Variants in ADRA1A observed in about 807,000 individuals in gnomAD.
ADRA1A encodes the protein alpha-1A adrenergic receptor.
Under a neutral mutation model 29.6 loss-of-function variants are expected in ADRA1A, and 31 were observed. The ratio of observed to expected loss-of-function variants is 1.05; its 90% confidence interval spans 0.79 to 1.41. ADRA1A has a LOEUF of 1.41. Ranked by LOEUF, ADRA1A falls within the 40% of genes most tolerant of loss-of-function variation. The probability of loss-of-function intolerance (pLI) is 0.00; values close to 1 mark genes in which losing one functional copy is unlikely to be tolerated. For missense variants in ADRA1A, 619 were observed against 601.1 expected (o/e 1.03, Z -0.31); for synonymous variants, 311 against 254.3 (o/e 1.22, Z -2.12).
At chr8:26,794,322 A>G (rs1808037476) in intron 2 of ADRA1A, among the ~76,000 whole-genome samples, 1 of 152,092 alleles carries the variant, frequency 6.6e-6, no homozygotes, top group African/African-American at 2.4e-5. Flanking sequence ...TAAGAGAAAA[A>G]GTGAAATTTA....
intron 2 of ADRA1A, among the ~76,000 whole-genome samples, chr8:26,852,755 C>T (rs374705253): frequency 6.6e-5 from 10 of 152,122 alleles, no homozygotes; most frequent in Admixed American, 3.9e-4. Flanking sequence ...ATAATTCTTA[C>T]GGTATTTAAG....
intron 2 of ADRA1A, among the ~76,000 whole-genome samples, chr8:26,791,137 G>C (rs191975302): frequency 9.9e-5 from 15 of 152,112 alleles, no homozygotes; most frequent in Non-Finnish European, 1.9e-4. Context: ...TGAACATTTT[G>C]CTATTTTATT....
chr8:26,815,627 C>A lies in ADRA1A; in HGVS notation c.884-44961G>T, dbSNP rs1405697310. ...TTAGTGAAAGGTAGATGACTAGGAA[C>A]CTGATCAGTCTCAGCCTGGATACTG... On this transcript the variant is annotated intron_variant, in intron 2 of 2. Transcript: ENST00000380573. This position sits in a 1 kb window ranked among gnomAD's most constrained non-coding sequence, Gnocchi z 4.2. Among the ~76,000 whole-genome samples, 1 of 152,136 alleles carries A rather than the reference C, an allele frequency of 6.6e-6. No individual in the cohort carries two copies. Among genetic ancestry groups the A allele is most frequent in the Non-Finnish European group, 1.5e-5 (1 of 68,034 alleles).
In ADRA1A at chr8:26,850,025, C is replaced by CAAAAACA. The variant is rs1554511720; in HGVS notation, c.883+14055_883+14061dup. 5.0e-4 allele frequency among the ~76,000 whole-genome samples: 61 copies of CAAAAACA among 121,588 alleles called. 1 individual carries two copies. Among genetic ancestry groups the CAAAAACA allele is most frequent in the African/African-American group, 1.9e-3 (59 of 31,328 alleles). The allele number at this position is 121,588 out of a possible 152,430, so 79.8% of individuals were successfully genotyped here. The stretch of plus-strand genomic sequence containing the variant: ...AAAAGTGACTAATGAGAGAGAAATG[C>CAAAAACA]AAAAACAAAAAACAAAAAACAAAAA... On this transcript the variant is annotated intron_variant, in intron 2 of 2. Coordinates refer to ENST00000380573, the MANE Select transcript of ADRA1A (RefSeq NM_000680.4).
At position 26,816,124 on chromosome 8, in the gene ADRA1A, G is replaced by A. The variant is rs1585749940; in HGVS notation, c.884-45458C>T. On this transcript the variant is annotated intron_variant, in intron 2 of 2. Transcript: ENST00000380573. Reference sequence around the variant, plus strand: ...AGTGTAGGCCTGAGGGCGTGGGGAGGAGCAGCCCTACAGGATAGATGTAAA... The same window carrying A: ...AGTGTAGGCCTGAGGGCGTGGGGAGAAGCAGCCCTACAGGATAGATGTAAA... Among the ~76,000 whole-genome samples, 7 of 152,266 alleles carry A rather than the reference G, an allele frequency of 4.6e-5. No individual in the cohort carries two copies. In the South Asian group the frequency reaches 1.5e-3, roughly 32 times the overall value.
Position 26,864,820 on chromosome 8 carries a change from G to A in ADRA1A, c.150C>T (p.Ser50=), listed in dbSNP as rs866900199. 3 of 1,614,024 alleles carry A rather than the reference G, an allele frequency of 1.9e-6. No individual in the cohort carries two copies. The highest frequency in any genetic ancestry group is 1.3e-5 in the African/African-American group (1 of 74,912). The change falls in exon 2 of 3, where the codon TCC becomes TCT. Residue 50 remains serine, a synonymous_variant. Transcript: ENST00000380573. The surrounding 1 kb of genome is among the most constrained non-coding windows in gnomAD (Gnocchi z 8.1). ...GVLGNILVIL[S]VACHRHLHSV... is the part of the protein sequence containing the mutation. ...AGTGCAGGTGTCGGTGACAGGCTAC[G>A]GAGAGGATCACTAGGATGTTACCCA... is the stretch of plus-strand genomic sequence containing the variant.
In ADRA1A at chr8:26,787,956, C is replaced by G. The variant is rs985172934; in HGVS notation, c.884-17290G>C. On this transcript the variant is annotated intron_variant, in intron 2 of 2. Coordinates refer to ENST00000380573, the MANE Select transcript of ADRA1A (RefSeq NM_000680.4). The surrounding 1 kb of genome is among the most constrained non-coding windows in gnomAD (Gnocchi z 4.2). ...GGGGATAATTTCCAAGGTCAGAAAC[C>G]GGACATTGAGTACATCTTCCTGCAG... Among the ~76,000 whole-genome samples, 1 of 151,560 alleles carries G rather than the reference C, an allele frequency of 6.6e-6. No homozygotes were observed. The highest frequency in any genetic ancestry group is 1.5e-5 in the Non-Finnish European group (1 of 67,964).
intron 2 of ADRA1A, among the ~76,000 whole-genome samples, chr8:26,751,300 G>A (rs988988807): frequency 5.9e-5 from 9 of 151,624 alleles, no homozygotes; most frequent in African/African-American, 9.7e-5. Context: ...GAGTGAGTAC[G>A]AAAAAAGTAT....
Position 26,770,476 on chromosome 8 carries a change from G to T in ADRA1A, c.1074C>A (p.Tyr358Ter). ...RKQSSKHALG[Y>*]TLHPPSQAVE... ...CGGCCTGGCTGGGCGGGTGCAGGGT[G>T]TAGCCCAGGGCATGTTTGGAAGACT... Residue 358 changes from tyrosine (Y) to a stop codon, truncating the protein, a stop_gained, in exon 3 of 3, where the codon TAC becomes TAA. Coordinates refer to ENST00000380573, the MANE Select transcript of ADRA1A (RefSeq NM_000680.4). LOFTEE classifies it high-confidence loss of function. 2 of 1,614,210 alleles carry T rather than the reference G, an allele frequency of 1.2e-6. No individual in the cohort carries two copies. The highest frequency in any genetic ancestry group is 4.5e-5 in the East Asian group (2 of 44,876).
chr8:26,770,072 A>T lies in ADRA1A; in HGVS notation c.*77T>A. On this transcript the variant is annotated 3_prime_UTR_variant, in exon 3 of 3. Transcript: ENST00000380573. ...TTTGATTGGTCCTGTCTTGTCCTCC[A>T]AGAAGAGCTGGCCTTCCGAGAAGGA... 2 of 1,512,934 alleles carry T rather than the reference A, an allele frequency of 1.3e-6. No homozygotes were observed. The highest frequency in any genetic ancestry group is 1.8e-6 in the Non-Finnish European group (2 of 1,132,578). The allele number at this position is 1,512,934 out of a possible 1,614,324, so 93.7% of individuals were successfully genotyped here.
chr8:26,853,809 T>A (rs970288767), intron 2 of ADRA1A: 16 of 152,150 alleles, frequency 1.1e-4, no homozygotes, highest in Admixed American at 9.2e-4. Context: ...AGAAGGCACA[T>A]TCAATGAAAA....
intron 2 of ADRA1A, among the ~76,000 whole-genome samples, chr8:26,757,494 G>C (rs1585625785): frequency 1.3e-5 from 2 of 150,230 alleles, no homozygotes; most frequent in African/African-American, 5.0e-5. Flanking sequence ...CTTCAAGTCT[G>C]TCCCTTTTGC....
chr8:26,809,472 G>A (rs776007267), intron 2 of ADRA1A, among the ~76,000 whole-genome samples: 1 of 152,176 alleles, frequency 6.6e-6, no homozygotes, highest in Non-Finnish European at 1.5e-5. Flanking sequence ...GAGACTCTAA[G>A]ATCCAGAACT....
In ADRA1A at chr8:26,864,187, G is replaced by T; in HGVS notation, c.783C>A (p.Leu261=). 10 of 1,614,148 alleles carry T rather than the reference G, an allele frequency of 6.2e-6. No homozygotes were observed. Among genetic ancestry groups the T allele is most frequent in the Non-Finnish European group, 8.5e-6 (10 of 1,180,040 alleles). ...CTTTCTTCTCCCGGGAGAACTTGAG[G>T]AGCCTCACTGAGAAGTGCGTCTTGG... is the stretch of plus-strand genomic sequence containing the variant. The part of the protein sequence containing the change: ...AKTKTHFSVR[L]LKFSREKKAA... Residue 261 remains leucine, a synonymous_variant, in exon 2 of 3, where the codon CTC becomes CTA. Transcript: ENST00000380573. The surrounding 1 kb of genome is among the most constrained non-coding windows in gnomAD (Gnocchi z 8.1).
At chr8:26,847,971 C>T (rs1173309549) in intron 2 of ADRA1A, among the ~76,000 whole-genome samples, 1 of 152,190 alleles carries the variant, frequency 6.6e-6, no homozygotes, top group Non-Finnish European at 1.5e-5. Flanking sequence ...TTATTTTGCA[C>T]AAAGAGTTCT....
intron 2 of ADRA1A, among the ~76,000 whole-genome samples, chr8:26,847,663 AGACGAC>A (rs1321170639): frequency 2.0e-5 from 3 of 152,222 alleles, no homozygotes; most frequent in Non-Finnish European, 4.4e-5. Flanking sequence ...TTTTGGGCAA[AGACGAC>A]TGCTCTGCCA....
rs1563321778 is a variant in ADRA1A at position 26,864,646 on chromosome 8, C to T, written c.324G>A (p.Leu108=). 1.2e-6 allele frequency: 2 copies of T among 1,614,054 alleles called. No homozygotes were observed. The highest frequency in any genetic ancestry group is 2.2e-5 in the East Asian group (1 of 44,880). The stretch of plus-strand genomic sequence containing the variant: ...GGCCCATGATGGACGCGGTGCAGCA[C>T]AGCACATCCACTGCCGCCCAGATGT... ...FCNIWAAVDV[L]CCTASIMGLC... The change falls in exon 2 of 3, where the codon CTG becomes CTA. Residue 108 remains leucine (L), a synonymous_variant. Coordinates refer to ENST00000380573, the MANE Select transcript of ADRA1A (RefSeq NM_000680.4). This position sits in a 1 kb window ranked among gnomAD's most constrained non-coding sequence, Gnocchi z 8.1.
Position 26,865,794 on chromosome 8 carries a change from G to C in ADRA1A, c.-686-139C>G. On this transcript the variant is annotated intron_variant, in intron 1 of 2. Coordinates refer to ENST00000380573, the MANE Select transcript of ADRA1A (RefSeq NM_000680.4). This position sits in a 1 kb window ranked among gnomAD's most constrained non-coding sequence, Gnocchi z 7.6. ...CCAGAAGCTGCTTCGCCCGGCAGCGGTGGAGGCGACTTCGGAGCTCATCTC... is the reference window on the plus strand; with the variant it reads ...CCAGAAGCTGCTTCGCCCGGCAGCGCTGGAGGCGACTTCGGAGCTCATCTC... 3 of 835,778 alleles carry C rather than the reference G, an allele frequency of 3.6e-6. No homozygotes were observed. The highest frequency in any genetic ancestry group is 4.3e-6 in the Non-Finnish European group (3 of 693,720). The allele number at this position is 835,778 out of a possible 1,614,324, so 51.8% of individuals were successfully genotyped here. A position where few individuals can be genotyped will look rare whatever the true frequency, so the allele number is the denominator to read the frequency against.
intron 2 of ADRA1A, chr8:26,757,020 G>T (rs976150994): frequency 8.4e-6 from 6 of 713,532 alleles, no homozygotes; most frequent in Non-Finnish European, 1.5e-5. Flanking sequence ...GATGCTTTTG[G>T]TCTTCTTTCT....
Sources: allele counts gnomAD v4.1 joint callset (sites outside exome capture counted in the v4.1 genomes callset), GRCh38; gene constraint gnomAD v4.1.1; non-coding constraint Gnocchi (gnomAD v3.1); transcripts MANE v1.5; gene names NCBI Gene and HGNC (gene_info 2026-07-23, HGNC 2026-07-21).